Variants in ARID4B observed in about 807,000 individuals in gnomAD.
ARID4B encodes AT-rich interactive domain-containing protein 4B.
A neutral mutation model predicts 147.5 loss-of-function variants in ARID4B; 26 were observed. That is an observed-to-expected ratio of 0.18 (90% CI 0.13 to 0.24). The LOEUF is 0.24. ARID4B is among the 10% of genes least tolerant of loss of function. The pLI is 1.00. For synonymous variants in ARID4B, 512 were observed against 507.9 expected, an observed-to-expected ratio of 1.01 and a Z score of -0.11; for missense variants, 1,179 against 1,511.5, an observed-to-expected ratio of 0.78 and a Z score of 3.65.
intron 2 of ARID4B, among the ~76,000 whole-genome samples, chr1:235,285,896 T>C (rs891072094): frequency 2.6e-5 from 4 of 152,216 alleles, no homozygotes. Context: ...GAGTTCTAAC[T>C]AGTAAATCAG....
At chr1:235,298,635 TA>T (rs771373984) in intron 2 of ARID4B, among the ~76,000 whole-genome samples, 3 of 151,124 alleles carry the variant, frequency 2.0e-5, no homozygotes, top group Non-Finnish European at 4.4e-5. Context: ...ATCTGCATTA[TA>T]AAGTCACTGT....
At chr1:235,188,269 G>A (rs1664833093) in intron 19 of ARID4B, among the ~76,000 whole-genome samples, 1 of 152,180 alleles carries the variant, frequency 6.6e-6, no homozygotes, top group East Asian at 1.9e-4. Flanking sequence ...AAGTCAGAAA[G>A]CAGATAAATG....
intron 2 of ARID4B, among the ~76,000 whole-genome samples, chr1:235,323,733 G>A (rs921752650): frequency 4.6e-5 from 7 of 151,282 alleles, no homozygotes; most frequent in Middle Eastern, 3.4e-3. Flanking sequence ...GCAGTGAGCC[G>A]AGATCGCACC....
intron 17 of ARID4B, among the ~76,000 whole-genome samples, chr1:235,205,225 A>G (rs1409550266): frequency 1.3e-5 from 2 of 152,206 alleles, no homozygotes; most frequent in Non-Finnish European, 2.9e-5. Flanking sequence ...ACATGGAAAT[A>G]AGAAAGAAAA....
chr1:235,284,244 C>T (rs1281822454), intron 2 of ARID4B, among the ~76,000 whole-genome samples: 1 of 152,150 alleles, frequency 6.6e-6, no homozygotes, highest in Non-Finnish European at 1.5e-5. Flanking sequence ...CCTGTAATCT[C>T]AGCTATTCGG....
intron 13 of ARID4B, among the ~76,000 whole-genome samples, chr1:235,221,886 A>ATTTTTTTTTTTTTTTTTTTTT (rs768600040): frequency 1.9e-5 from 1 of 53,660 alleles, no homozygotes; most frequent in Non-Finnish European, 3.2e-5. Context: ...TCATTTGACT[A>ATTTTTTTTTTTTTTTTTTTTT]TTTTTTTTTT....
intron 8 of ARID4B, among the ~76,000 whole-genome samples, chr1:235,236,852 A>ATATATGTGTATATATATATATATATC (rs1558233609): frequency 2.6e-5 from 1 of 38,072 alleles, no homozygotes; most frequent in Non-Finnish European, 5.1e-5. Flanking sequence ...ATATATATAT[A>ATATATGTGTATATATATATATATATC]TATATATATA....
intron 2 of ARID4B, among the ~76,000 whole-genome samples, chr1:235,323,860 C>G (rs1228317407): frequency 2.0e-5 from 3 of 150,920 alleles, no homozygotes. Flanking sequence ...AATAATCTAC[C>G]ACCTCCTTAT....
intron 23 of ARID4B, among the ~76,000 whole-genome samples, chr1:235,169,559 G>A (rs1409085802): frequency 2.9e-5 from 4 of 139,060 alleles, no homozygotes; most frequent in East Asian, 2.2e-4. Context: ...TTTTTGAGAC[G>A]GAGTCTCACT....
intron 14 of ARID4B, 58 bp from the exon 15 acceptor site, chr1:235,220,603 G>A (rs1269069827): frequency 4.5e-6 from 6 of 1,331,220 alleles, no homozygotes; most frequent in Non-Finnish European, 6.0e-6. Context: ...TAACTATAGA[G>A]TTATTTTTAA....
chr1:235,301,543 T>G (rs1445110236), intron 2 of ARID4B, among the ~76,000 whole-genome samples: 25 of 148,254 alleles, frequency 1.7e-4, no homozygotes, highest in Admixed American at 1.5e-3. Context: ...TCTTTTTTTT[T>G]TTTTTTTTTT....
intron 19 of ARID4B, among the ~76,000 whole-genome samples, chr1:235,190,419 G>A (rs1405431636): frequency 6.6e-6 from 1 of 151,772 alleles, no homozygotes; most frequent in Non-Finnish European, 1.5e-5. Context: ...CTGCACTCCA[G>A]CTTGGCCAAC....
At chr1:235,190,484 G>C (rs1005516570) in intron 19 of ARID4B, among the ~76,000 whole-genome samples, 1 of 150,856 alleles carries the variant, frequency 6.6e-6, no homozygotes, top group African/African-American at 2.4e-5. Context: ...TCCAGAGACA[G>C]AAAAGCAAAA....
At chr1:235,175,421 T>C (rs765955952) in intron 21 of ARID4B, 22 bp from the exon 22 acceptor site, 7 of 1,556,668 alleles carry the variant, frequency 4.5e-6, no homozygotes, top group Non-Finnish European at 5.3e-6. Flanking sequence ...AGAAAAGATT[T>C]AATAAACAAA....
At chr1:235,248,438 T>C (rs1424684742) in intron 6 of ARID4B, among the ~76,000 whole-genome samples, 3 of 152,190 alleles carry the variant, frequency 2.0e-5, no homozygotes, top group Admixed American at 1.3e-4. Context: ...TGTATCACTA[T>C]AGAGTATTAC....
At chr1:235,215,651 C>A (rs1667025185) in intron 16 of ARID4B, among the ~76,000 whole-genome samples, 1 of 151,102 alleles carries the variant, frequency 6.6e-6, no homozygotes, top group South Asian at 2.1e-4. Context: ...GGCCTGATCA[C>A]TGCTCACTGT....
intron 13 of ARID4B, 82 bp downstream of exon 13, chr1:235,223,084 A>C: frequency 1.0e-6 from 1 of 964,568 alleles, no homozygotes; most frequent in Non-Finnish European, 1.5e-6. Context: ...TTTGTTGTTT[A>C]GAAAAACAAT....
intron 2 of ARID4B, among the ~76,000 whole-genome samples, chr1:235,296,840 A>AAAGAG (rs1558289262): frequency 4.8e-5 from 1 of 20,940 alleles, no homozygotes; most frequent in Non-Finnish European, 1.3e-4. Flanking sequence ...GAAGGAAGGG[A>AAAGAG]GGAAGGAGGG....
intron 7 of ARID4B, among the ~76,000 whole-genome samples, chr1:235,245,021 G>A (rs1237789047): frequency 1.3e-5 from 2 of 152,194 alleles, no homozygotes; most frequent in African/African-American, 4.8e-5. Context: ...ACCAACCGTG[G>A]TAGAGAAGGG....
Sources: allele counts gnomAD v4.1 joint callset (sites outside exome capture counted in the v4.1 genomes callset), GRCh38; gene constraint gnomAD v4.1.1; transcripts MANE v1.5; gene names NCBI Gene and HGNC (gene_info 2026-07-23, HGNC 2026-07-21).